Variants in SUGCT observed in about 807,000 individuals in gnomAD.
The protein encoded by SUGCT is succinyl-CoA:glutarate CoA-transferase.
A neutral mutation model predicts 55.0 loss-of-function variants in SUGCT; 41 were observed. The observed-to-expected ratio is 0.74, with a 90% CI of 0.58 to 0.97. SUGCT has a LOEUF of 0.97. Among genes scored for constraint, SUGCT ranks in the 50% least tolerant of loss-of-function variants. The pLI, the probability that SUGCT is intolerant of heterozygous loss-of-function variation, is 0.00. For synonymous variants in SUGCT, 187 were observed against 200.4 expected (o/e 0.93, Z 0.56); for missense variants, 568 against 547.8 (o/e 1.04, Z -0.37).
At chr7:40,935,346 C>G in the SUGCT span, among the ~76,000 whole-genome samples, 25 of 152,190 alleles carry the variant, frequency 1.6e-4, no homozygotes, top group African/African-American at 6.0e-4. Context: ...CCATTGAATT[C>G]GAGAACATTT....
chr7:40,297,089 G>A (rs781154399), intron 8 of SUGCT, among the ~76,000 whole-genome samples: 17 of 152,094 alleles, frequency 1.1e-4, no homozygotes, highest in Admixed American at 7.2e-4. Flanking sequence ...CCAAATAAAT[G>A]TTAGCTTTAT....
intron 1 of SUGCT, chr7:40,153,691 T>C (rs1437009751): frequency 5.9e-6 from 3 of 507,238 alleles, no homozygotes; most frequent in Non-Finnish European, 1.2e-5. Flanking sequence ...TTTCACGTTA[T>C]ATTCTGGTGA....
At chr7:40,552,940 G>T (rs138855651) in intron 12 of SUGCT, among the ~76,000 whole-genome samples, 1 of 152,028 alleles carries the variant, frequency 6.6e-6, no homozygotes, top group African/African-American at 2.4e-5. Context: ...TGCATCTTTC[G>T]TTCCCTATTC....
intron 1 of SUGCT, among the ~76,000 whole-genome samples, chr7:40,163,564 C>T: frequency 6.7e-6 from 1 of 150,186 alleles, no homozygotes; most frequent in East Asian, 2.0e-4. Flanking sequence ...GAGATCGCGC[C>T]ACTGCACTCC....
At position 40,180,831 on chromosome 7, in the gene SUGCT, C is replaced by G. The variant is rs1392933343; in HGVS notation, c.101-116C>G. On this transcript the variant is annotated intron_variant, in intron 1 of 13. Coordinates refer to ENST00000335693, the MANE Select transcript of SUGCT (RefSeq NM_001193313.2). ...ACTAGAGTCTTGTGGTCTGTGGACT[C>G]CCTTGCTAAGAATCACTGTAGTCCT... The G allele has an allele frequency of 1.3e-5, 10 of 777,250 alleles. No homozygotes were observed. In the Admixed American group the frequency reaches 1.9e-4, roughly 15 times the overall value. The allele number at this position is 777,250 out of a possible 1,614,324, so 48.1% of individuals were successfully genotyped here. A position where few individuals can be genotyped will look rare whatever the true frequency, so the allele number is the denominator to read the frequency against.
chr7:40,649,176 C>T (rs965651947), intron 12 of SUGCT, among the ~76,000 whole-genome samples: 1 of 148,442 alleles, frequency 6.7e-6, no homozygotes, highest in Non-Finnish European at 1.5e-5. Context: ...ACTACCTTTC[C>T]ATTTTTCAAA....
intron 9 of SUGCT, among the ~76,000 whole-genome samples, chr7:40,335,195 T>C (rs1249192527): frequency 4.6e-5 from 7 of 152,292 alleles, no homozygotes; most frequent in South Asian, 4.1e-4. Context: ...ATGATGCCTC[T>C]AGCTTTGTTC....
At chr7:40,272,304 G>A (rs1792118452) in intron 7 of SUGCT, among the ~76,000 whole-genome samples, 1 of 149,188 alleles carries the variant, frequency 6.7e-6, no homozygotes, top group Non-Finnish European at 1.5e-5. Flanking sequence ...AGACTCCCAA[G>A]TAGCTGGTAC....
chr7:40,428,117 CT>C (rs1787691098), intron 9 of SUGCT, among the ~76,000 whole-genome samples: 1 of 152,098 alleles, frequency 6.6e-6, no homozygotes, highest in African/African-American at 2.4e-5. Context: ...CCCTTTTGTT[CT>C]GTAATGTCCT....
chr7:40,315,934 A>G (rs1173064031), intron 8 of SUGCT, among the ~76,000 whole-genome samples: 2 of 152,196 alleles, frequency 1.3e-5, no homozygotes, highest in Non-Finnish European at 2.9e-5. Flanking sequence ...GTGGCAGATC[A>G]CCAGGAATCA....
chr7:40,619,027 A>G (rs915129842), intron 12 of SUGCT, among the ~76,000 whole-genome samples: 5 of 152,194 alleles, frequency 3.3e-5, no homozygotes, highest in African/African-American at 1.2e-4. Context: ...ACATTCTAAC[A>G]TTCAACACTC....
chr7:40,492,338 C>T (rs757750622), intron 11 of SUGCT, among the ~76,000 whole-genome samples: 1 of 151,996 alleles, frequency 6.6e-6, no homozygotes, highest in Non-Finnish European at 1.5e-5. Context: ...TACTACTAAT[C>T]AGCAGATTTT....
At chr7:40,911,280 A>T in the SUGCT span, among the ~76,000 whole-genome samples, 1 of 152,234 alleles carries the variant, frequency 6.6e-6, no homozygotes, top group Non-Finnish European at 1.5e-5. Flanking sequence ...CTAGATTATT[A>T]AGACATTGTA....
intron 7 of SUGCT, among the ~76,000 whole-genome samples, chr7:40,251,513 G>A (rs1790401988): frequency 6.6e-6 from 1 of 152,230 alleles, no homozygotes; most frequent in South Asian, 2.1e-4. Flanking sequence ...TCCTTATAGG[G>A]TTCAGGGGTC....
rs74583809 is a variant in SUGCT, at chr7:40,672,859, G to T, written c.1090-76575G>T. On this transcript the variant is annotated intron_variant, in intron 12 of 13. Transcript: ENST00000335693. ...ACATACAATAAAATGCCTCCTTTTC[G>T]TGTGTACAATTTGATGAGTTTTGAT... Among the ~76,000 whole-genome samples the T allele has an allele frequency of 3.8e-4, 58 of 152,098 alleles. 1 individual carries two copies. The East Asian group carries it at 0.01, about 27-fold the overall frequency.
At chr7:41,026,925 AG>A in the SUGCT span, among the ~76,000 whole-genome samples, 1 of 152,136 alleles carries the variant, frequency 6.6e-6, no homozygotes, top group African/African-American at 2.4e-5. Flanking sequence ...CCAGCTACTC[AG>A]GAGGCTGAGG....
intron 12 of SUGCT, among the ~76,000 whole-genome samples, chr7:40,744,341 G>T (rs765066555): frequency 6.6e-6 from 1 of 152,148 alleles, no homozygotes; most frequent in Admixed American, 6.5e-5. Context: ...TGTGGTGCCA[G>T]AGTATCCTTG....
Position 40,749,449 on chromosome 7 carries a change from C to G in SUGCT, c.1105C>G (p.Leu369Val), listed in dbSNP as rs1342846451. Reference sequence around the variant, plus strand: ...GCCTTTTCAGGTATTACACAATGGCCTCGTTATGGAGATGGAGCATCCAAC... The same window carrying G: ...GCCTTTTCAGGTATTACACAATGGCGTCGTTATGGAGATGGAGCATCCAAC... ...FAEPQVLHNGLVMEMEHPTVG... is the reference protein window; with the variant it reads ...FAEPQVLHNGVVMEMEHPTVG... The change falls in exon 13 of 14, where the codon CTC becomes GTC. Residue 369 changes from leucine to valine, a missense_variant. By Grantham distance (32) the Leu-to-Val change is conservative. Transcript: ENST00000335693. 1 of 1,613,526 alleles carries G rather than the reference C, an allele frequency of 6.2e-7. No individual in the cohort carries two copies. The highest frequency in any genetic ancestry group is 1.3e-5 in the African/African-American group (1 of 74,856).
chr7:40,487,977 T>TTTTA (rs1018455563), intron 11 of SUGCT, among the ~76,000 whole-genome samples: 12 of 151,958 alleles, frequency 7.9e-5, no homozygotes, highest in South Asian at 2.1e-4. Flanking sequence ...TTCCTTTTAC[T>TTTTA]TTTATTTATT....
Sources: allele counts gnomAD v4.1 joint callset (sites outside exome capture counted in the v4.1 genomes callset), GRCh38; gene constraint gnomAD v4.1.1; transcripts MANE v1.5; gene names NCBI Gene and HGNC (gene_info 2026-07-23, HGNC 2026-07-21).